NR3C2: variants seen among roughly 807,000 people sequenced by gnomAD.
The protein encoded by NR3C2 is mineralocorticoid receptor.
A neutral mutation model predicts 86.4 loss-of-function variants in NR3C2; 15 were observed. The observed-to-expected ratio is 0.17, with a 90% confidence interval of 0.12 to 0.27. NR3C2 has a LOEUF of 0.27. Among genes scored for constraint, NR3C2 ranks in the 10% least tolerant of loss-of-function variants. The pLI, the probability that NR3C2 is intolerant of heterozygous loss-of-function variation, is 1.00. For synonymous variants in NR3C2, 458 were observed against 450.5 expected (o/e 1.02, Z -0.21); for missense variants, 960 against 1,195.6 (o/e 0.80, Z 2.91).
intron 2 of NR3C2, among the ~76,000 whole-genome samples, chr4:148,318,211 T>C (rs1346196852): frequency 1.3e-5 from 2 of 151,490 alleles, no homozygotes; most frequent in African/African-American, 4.9e-5. Context: ...GAACTCATCA[T>C]TTTTTATGGC....
intron 4 of NR3C2, among the ~76,000 whole-genome samples, chr4:148,188,782 G>C (rs1053061711): frequency 2.0e-5 from 3 of 152,070 alleles, no homozygotes; most frequent in Non-Finnish European, 4.4e-5. Context: ...GAAGAGGAGT[G>C]GTGACAGTGG....
intron 6 of NR3C2, among the ~76,000 whole-genome samples, chr4:148,142,271 C>T (rs568232616): frequency 1.3e-5 from 2 of 152,306 alleles, no homozygotes; most frequent in East Asian, 1.9e-4. Flanking sequence ...AGCGCCCACA[C>T]TAATGCGGGC....
At chr4:148,381,131 G>A (rs1410729013) in intron 2 of NR3C2, among the ~76,000 whole-genome samples, 3 of 151,994 alleles carry the variant, frequency 2.0e-5, no homozygotes, top group Non-Finnish European at 1.5e-5. Flanking sequence ...AGGAGGCTGA[G>A]GCAGGAGGAT....
In NR3C2 at chr4:148,430,453, T is replaced by C. The variant is rs1268947542; in HGVS notation, c.1757+4651A>G. On this transcript the variant is annotated intron_variant, in intron 2 of 8. Coordinates refer to ENST00000358102, the MANE Select transcript of NR3C2 (RefSeq NM_000901.5). The stretch of plus-strand genomic sequence containing the variant: ...ATTATCACCACTCTTCCCAGAAATA[T>C]AAGCGAATGAAAAATGAATATCAGG... 3.9e-5 allele frequency among the ~76,000 whole-genome samples: 6 copies of C among 152,226 alleles called. 1 individual carries two copies. The South Asian group carries it at 1.2e-3, about 32-fold the overall frequency.
chr4:148,187,515 T>C (rs543955633), intron 4 of NR3C2, among the ~76,000 whole-genome samples: 1 of 152,294 alleles, frequency 6.6e-6, no homozygotes, highest in East Asian at 1.9e-4. Context: ...TCGAGAATTG[T>C]GTATTCATGT....
intron 2 of NR3C2, among the ~76,000 whole-genome samples, chr4:148,402,918 A>C (rs1579256621): frequency 6.6e-6 from 1 of 152,258 alleles, no homozygotes; most frequent in South Asian, 2.1e-4. Context: ...TAAAGGATAC[A>C]CAATAGTGGT....
chr4:148,096,812 G>C (rs1339563885), intron 8 of NR3C2, among the ~76,000 whole-genome samples: 1 of 152,146 alleles, frequency 6.6e-6, no homozygotes, highest in Non-Finnish European at 1.5e-5. Context: ...ATGCTACAGT[G>C]GCACAGCTGA....
At chr4:148,238,028 G>A (rs3846314) in intron 3 of NR3C2, among the ~76,000 whole-genome samples, 152,290 of 152,296 alleles carry the variant, frequency 1, 76,142 homozygotes, top group Non-Finnish European at 1. Flanking sequence ...ATCTGAGGAC[G>A]CCATCAAATA....
chr4:148,192,637 C>T (rs1736251414), intron 4 of NR3C2, among the ~76,000 whole-genome samples: 1 of 147,968 alleles, frequency 6.8e-6, no homozygotes, highest in South Asian at 2.1e-4. Context: ...TCAGACTCTC[C>T]TTGGGTGGGT....
rs571235245 is a variant in NR3C2, at chr4:148,112,011, A to C, written c.2799+2093T>G. 3.3e-5 allele frequency among the ~76,000 whole-genome samples: 5 copies of C among 152,330 alleles called. No homozygotes were observed. The South Asian group carries it at 6.2e-4, about 19-fold the overall frequency. ...GTTATACCTCAATTAAGAAACCCCCACAGACACTAATTTACTTTGGGAAAC... is the reference window on the plus strand; with the variant it reads ...GTTATACCTCAATTAAGAAACCCCCCCAGACACTAATTTACTTTGGGAAAC... On this transcript the variant is annotated intron_variant, in intron 8 of 8. Transcript: ENST00000358102.
intron 2 of NR3C2, among the ~76,000 whole-genome samples, chr4:148,388,396 G>T (rs559520209): frequency 6.6e-6 from 1 of 152,138 alleles, no homozygotes; most frequent in African/African-American, 2.4e-5. Context: ...TCACATTGGC[G>T]CTCAAAAAGT....
At chr4:148,335,660 A>T (rs1263315107) in intron 2 of NR3C2, among the ~76,000 whole-genome samples, 1 of 152,094 alleles carries the variant, frequency 6.6e-6, no homozygotes, top group Non-Finnish European at 1.5e-5. Flanking sequence ...ATGATTTGAC[A>T]GGCTGCCCTC....
intron 6 of NR3C2, among the ~76,000 whole-genome samples, chr4:148,151,186 A>C (rs1734085606): frequency 1.3e-5 from 2 of 152,326 alleles, no homozygotes; most frequent in Admixed American, 1.3e-4. Flanking sequence ...TAGATGTATT[A>C]ATAAGATTAA....
intron 6 of NR3C2, among the ~76,000 whole-genome samples, chr4:148,148,893 C>T (rs527749686): frequency 1.3e-3 from 195 of 152,100 alleles, no homozygotes; most frequent in Non-Finnish European, 2.4e-3. Flanking sequence ...ATACTGACAA[C>T]AGTTAATAAA....
chr4:148,129,923 T>C (rs1411241061), intron 6 of NR3C2, among the ~76,000 whole-genome samples: 2 of 152,198 alleles, frequency 1.3e-5, no homozygotes, highest in Admixed American at 6.5e-5. Context: ...ATTAAGAAAC[T>C]AATATTTGTG....
chr4:148,123,647 T>A (rs977151360), intron 6 of NR3C2, among the ~76,000 whole-genome samples: 1 of 152,254 alleles, frequency 6.6e-6, no homozygotes, highest in African/African-American at 2.4e-5. Flanking sequence ...TCTTTATTTC[T>A]CAGCTGGCCA....
chr4:148,355,201 T>C (rs1043680251), intron 2 of NR3C2, among the ~76,000 whole-genome samples: 3 of 152,202 alleles, frequency 2.0e-5, no homozygotes, highest in Non-Finnish European at 4.4e-5. Context: ...ACATCAGGCT[T>C]CTCAAGGTGA....
upstream of NR3C2, chr4:148,443,954 T>G (rs1040746799): frequency 3.3e-5 from 32 of 976,200 alleles, no homozygotes; most frequent in Non-Finnish European, 9.7e-6. Flanking sequence ...GAGCTGGTCC[T>G]GACCCCAGAC....
chr4:148,441,055 C>T (rs1579302954), intron 1 of NR3C2, among the ~76,000 whole-genome samples: 1 of 152,300 alleles, frequency 6.6e-6, no homozygotes, highest in East Asian at 1.9e-4. Flanking sequence ...ATGTTCCTCT[C>T]TTTTATAGAT....
Sources: allele counts gnomAD v4.1 joint callset (sites outside exome capture counted in the v4.1 genomes callset), GRCh38; gene constraint gnomAD v4.1.1; transcripts MANE v1.5; gene names NCBI Gene and HGNC (gene_info 2026-07-23, HGNC 2026-07-21).